Variants in KIAA0825 observed in about 807,000 individuals in gnomAD.
The protein encoded by KIAA0825 is KIAA0825, also known as uncharacterized protein KIAA0825.
In KIAA0825, 119 loss-of-function variants were observed where a neutral mutation model predicts 147.6. The ratio of observed to expected loss-of-function variants is 0.81; its 90% CI spans 0.69 to 0.94. KIAA0825 has a LOEUF of 0.94. Ranked by LOEUF, KIAA0825 falls within the 40% of genes least tolerant of loss-of-function variation. The probability of loss-of-function intolerance (pLI) is 0.00; values close to 1 mark genes in which losing one functional copy is unlikely to be tolerated. For missense variants in KIAA0825, 1,381 were observed against 1,472.7 expected, an observed-to-expected ratio of 0.94 and a Z score of 1.02; for synonymous variants, 470 against 518.1, an observed-to-expected ratio of 0.91 and a Z score of 1.26.
chr5:94,314,129 TA>T (rs1779426874), intron 20 of KIAA0825, among the ~76,000 whole-genome samples: 1 of 151,646 alleles, frequency 6.6e-6, no homozygotes, highest in African/African-American at 2.4e-5. Flanking sequence ...AAGGATCTAT[TA>T]AACACACATA....
intron 20 of KIAA0825, among the ~76,000 whole-genome samples, chr5:94,285,836 T>G (rs935445755): frequency 6.6e-6 from 1 of 152,116 alleles, no homozygotes; most frequent in Admixed American, 6.6e-5. Context: ...AGGCTTAAGC[T>G]TCTTAAACAC....
chr5:94,253,977 T>C (rs1326025404), intron 20 of KIAA0825, among the ~76,000 whole-genome samples: 1 of 152,146 alleles, frequency 6.6e-6, no homozygotes, highest in Non-Finnish European at 1.5e-5. Flanking sequence ...TTCTTGCCAA[T>C]AGACTCTTAG....
chr5:94,593,910 G>A (rs1784795370), intron 1 of KIAA0825: 1 of 423,044 alleles, frequency 2.4e-6, no homozygotes, highest in South Asian at 1.9e-5. Context: ...GACGAAGTGG[G>A]AATATCCAGA....
intron 20 of KIAA0825, among the ~76,000 whole-genome samples, chr5:94,349,279 G>A (rs1783371400): frequency 6.6e-6 from 1 of 152,182 alleles, no homozygotes; most frequent in South Asian, 2.1e-4. Flanking sequence ...TAACACCATA[G>A]CTCCCAAATT....
intron 20 of KIAA0825, among the ~76,000 whole-genome samples, chr5:94,175,886 A>T (rs1205006680): frequency 1.3e-5 from 2 of 152,162 alleles, no homozygotes; most frequent in African/African-American, 2.4e-5. Flanking sequence ...AATTTAGCCA[A>T]AATGCAGCAA....
chr5:94,410,912 A>C (rs1432554325), intron 15 of KIAA0825, among the ~76,000 whole-genome samples: 2 of 152,190 alleles, frequency 1.3e-5, no homozygotes, highest in Non-Finnish European at 2.9e-5. Context: ...AGATCTACAC[A>C]AAGAAGGGTA....
chr5:94,364,269 C>G (rs544784570), intron 20 of KIAA0825, among the ~76,000 whole-genome samples: 37 of 151,574 alleles, frequency 2.4e-4, no homozygotes, highest in Non-Finnish European at 2.9e-4. Context: ...GGGTCTTCGA[C>G]GGGCAGAGTA....
intron 1 of KIAA0825, among the ~76,000 whole-genome samples, chr5:94,610,207 G>A (rs1346159309): frequency 6.6e-6 from 1 of 150,996 alleles, no homozygotes; most frequent in Non-Finnish European, 1.5e-5. Flanking sequence ...ATCACTTGAG[G>A]TCAGGAGTTC....
chr5:94,492,011 TA>T (rs1763790968), intron 5 of KIAA0825, among the ~76,000 whole-genome samples: 1 of 152,190 alleles, frequency 6.6e-6, no homozygotes, highest in Non-Finnish European at 1.5e-5. Flanking sequence ...AAGGAACTAT[TA>T]AGGAAACTGA....
At chr5:94,346,062 G>A (rs955127882) in intron 20 of KIAA0825, among the ~76,000 whole-genome samples, 6 of 152,076 alleles carry the variant, frequency 3.9e-5, no homozygotes, top group Non-Finnish European at 8.8e-5. Context: ...CCAGGCCCAG[G>A]GTGTGGCACC....
rs547730116 is a variant in KIAA0825, at chr5:94,379,801, G to GT, written c.3710+4566dup. Among the ~76,000 whole-genome samples the GT allele has an allele frequency of 1.4e-3, 177 of 124,858 alleles. 2 individuals carry two copies. Among genetic ancestry groups the GT allele is most frequent in the African/African-American group, 5.0e-3 (161 of 32,500 alleles). The allele number at this position is 124,858 out of a possible 152,430, so 81.9% of individuals were successfully genotyped here. On this transcript the variant is annotated intron_variant, in intron 20 of 20. Coordinates refer to ENST00000682413, the MANE Select transcript of KIAA0825 (RefSeq NM_001145678.3). ...ACTTTGTAATTCTTGTTGTAGAGAT[G>GT]TTTCACACCTCCCTGGTTAGCTGTA...
At chr5:94,513,530 T>C (rs1202078010) in intron 5 of KIAA0825, among the ~76,000 whole-genome samples, 1 of 152,194 alleles carries the variant, frequency 6.6e-6, no homozygotes, top group African/African-American at 2.4e-5. Flanking sequence ...AAAAATGTGC[T>C]AAAATTAAAT....
chr5:94,560,238 G>C (rs559708084), intron 2 of KIAA0825, among the ~76,000 whole-genome samples: 4 of 152,134 alleles, frequency 2.6e-5, no homozygotes, highest in Non-Finnish European at 5.9e-5. Context: ...GGTTCTGAAG[G>C]CTCTTGTATA....
chr5:94,359,905 T>C (rs567828702), intron 20 of KIAA0825, among the ~76,000 whole-genome samples: 2 of 152,358 alleles, frequency 1.3e-5, no homozygotes, highest in South Asian at 4.1e-4. Flanking sequence ...GCTACCACCA[T>C]TCTCTTTTCT....
intron 1 of KIAA0825, among the ~76,000 whole-genome samples, chr5:94,590,715 G>GA (rs1784194328): frequency 6.6e-6 from 1 of 152,154 alleles, no homozygotes; most frequent in Admixed American, 6.5e-5. Flanking sequence ...TTTGACAAAG[G>GA]AAACAATTAG....
intron 7 of KIAA0825, among the ~76,000 whole-genome samples, chr5:94,474,370 T>C (rs538771135): frequency 7.6e-4 from 115 of 152,226 alleles, no homozygotes; most frequent in Non-Finnish European, 1.5e-3. Context: ...CAACTTTCCC[T>C]GTTTTAATGT....
intron 20 of KIAA0825, among the ~76,000 whole-genome samples, chr5:94,166,887 A>G (rs186513787): frequency 1.2e-4 from 18 of 152,284 alleles, no homozygotes; most frequent in Admixed American, 1.2e-3. Context: ...TGGAAACTAT[A>G]GAATATGATG....
chr5:94,603,027 C>T (rs1786797962), intron 1 of KIAA0825, among the ~76,000 whole-genome samples: 3 of 152,178 alleles, frequency 2.0e-5, no homozygotes, highest in Admixed American at 1.3e-4. Flanking sequence ...TGGGGTTTCA[C>T]CATCTTGGCC....
At position 94,464,998 on chromosome 5, in the gene KIAA0825, T is replaced by G; in HGVS notation, c.1934A>C (p.Asp645Ala). The change falls in exon 11 of 21, where the codon GAT becomes GCT. Residue 645 changes from aspartate (D) to alanine (A), a missense_variant. Asp to Ala is a moderately radical substitution (Grantham distance 126). Transcript: ENST00000682413. ...CTTAGGAGGCAGAATGGTCCAGAGATCGTAATGAAGAGACCAGCAGAAATA... is the reference window on the plus strand; with the variant it reads ...CTTAGGAGGCAGAATGGTCCAGAGAGCGTAATGAAGAGACCAGCAGAAATA... ...WHYFCWSLHY[D>A]LWTILPPKLA... 1 of 1,551,618 alleles carries G rather than the reference T, an allele frequency of 6.4e-7. No homozygotes were observed.
Sources: gnomAD v4.1 joint callset for allele counts (sites outside exome capture counted in the v4.1 genomes callset) on GRCh38, gnomAD v4.1.1 for gene constraint, MANE v1.5 for transcripts, NCBI Gene and HGNC (gene_info 2026-07-23, HGNC 2026-07-21) for gene names.